Variants in ITGA9 observed in about 807,000 individuals in gnomAD.
ITGA9 encodes the protein integrin subunit alpha 9.
Under a neutral mutation model 127.8 loss-of-function variants are expected in ITGA9, and 56 were observed. The observed-to-expected ratio is 0.44, with a 90% CI of 0.35 to 0.55. ITGA9 has a LOEUF of 0.55. ITGA9 is among the 20% of genes least tolerant of loss of function. The pLI is 0.00. For missense variants in ITGA9, 1,196 were observed against 1,347.1 expected (o/e 0.89, Z 1.76); for synonymous variants, 508 against 514.5 (o/e 0.99, Z 0.17).
chr3:37,594,416 G>A (rs908549759), intron 15 of ITGA9, among the ~76,000 whole-genome samples: 3 of 152,180 alleles, frequency 2.0e-5, no homozygotes, highest in African/African-American at 7.2e-5. Context: ...AAAGCATAAG[G>A]AGAGGACTCA....
At chr3:37,717,297 T>C (rs1270975792) in intron 18 of ITGA9, among the ~76,000 whole-genome samples, 7 of 152,238 alleles carry the variant, frequency 4.6e-5, no homozygotes. Context: ...TTAAGCCTGA[T>C]GAAGTTCTGA....
intron 5 of ITGA9, among the ~76,000 whole-genome samples, chr3:37,501,106 A>C (rs1270368489): frequency 6.6e-6 from 1 of 152,186 alleles, no homozygotes; most frequent in East Asian, 1.9e-4. Flanking sequence ...GTAGGTGCCC[A>C]ATAAACATTG....
chr3:37,693,554 G>A (rs561985312), intron 18 of ITGA9, among the ~76,000 whole-genome samples: 1 of 152,266 alleles, frequency 6.6e-6, no homozygotes, highest in Admixed American at 6.5e-5. Context: ...AAGGCAAACC[G>A]CTCAAGATGG....
chr3:37,664,651 C>T (rs1216929415), intron 17 of ITGA9, among the ~76,000 whole-genome samples: 1 of 151,970 alleles, frequency 6.6e-6, no homozygotes, highest in East Asian at 1.9e-4. Flanking sequence ...AGCTTCCCAT[C>T]TTGGCCTCCC....
chr3:37,467,598 T>C (rs963600573), intron 1 of ITGA9, among the ~76,000 whole-genome samples: 4 of 152,198 alleles, frequency 2.6e-5, no homozygotes, highest in African/African-American at 7.2e-5. Context: ...GAACCTGTTG[T>C]TTCTTGCAGC....
intron 26 of ITGA9, among the ~76,000 whole-genome samples, chr3:37,801,495 G>A (rs1697234650): frequency 6.6e-6 from 1 of 152,018 alleles, no homozygotes; most frequent in Non-Finnish European, 1.5e-5. Flanking sequence ...AAAAGAGCTG[G>A]GAGTGGTGGC....
chr3:37,596,234 T>G (rs939518472), intron 15 of ITGA9, among the ~76,000 whole-genome samples: 2 of 152,170 alleles, frequency 1.3e-5, no homozygotes, highest in African/African-American at 2.4e-5. Context: ...AAATCCTGAG[T>G]CAAGATGCTT....
intron 24 of ITGA9, among the ~76,000 whole-genome samples, chr3:37,778,174 C>T (rs1311686417): frequency 1.3e-5 from 2 of 152,138 alleles, no homozygotes; most frequent in African/African-American, 4.8e-5. Flanking sequence ...TCAGAAATAG[C>T]AAAAACTAAT....
chr3:37,614,989 C>CCA (rs2125627912), intron 15 of ITGA9, among the ~76,000 whole-genome samples: 1 of 152,324 alleles, frequency 6.6e-6, no homozygotes, highest in Non-Finnish European at 1.5e-5. Context: ...CTGGCCAGAA[C>CCA]TTCCAACACT....
At chr3:37,643,183 A>G (rs1398765382) in intron 16 of ITGA9, among the ~76,000 whole-genome samples, 1 of 152,144 alleles carries the variant, frequency 6.6e-6, no homozygotes, top group Non-Finnish European at 1.5e-5. Context: ...TGTTAGAGGA[A>G]AAGGCTCCTG....
At chr3:37,577,404 G>C (rs1471516861) in intron 15 of ITGA9, among the ~76,000 whole-genome samples, 2 of 152,078 alleles carry the variant, frequency 1.3e-5, no homozygotes, top group African/African-American at 4.8e-5. Context: ...GAGTGGTGTT[G>C]GCACCTTCAT....
chr3:37,764,576 G>A (rs895304348), intron 23 of ITGA9, among the ~76,000 whole-genome samples: 3 of 149,744 alleles, frequency 2.0e-5, no homozygotes, highest in Non-Finnish European at 4.4e-5. Flanking sequence ...TTCTCCAATA[G>A]CCCCTCATCC....
rs754043579 is a variant in ITGA9 at position 37,523,550 on chromosome 3, G to C, written c.1266G>C (p.Val422=). 1.5e-5 allele frequency: 25 copies of C among 1,613,896 alleles called. No homozygotes were observed. Among genetic ancestry groups the C allele is most frequent in the Non-Finnish European group, 2.0e-5 (24 of 1,179,956 alleles). The change falls in exon 12 of 28, where the codon GTG becomes GTC. Residue 422 remains valine, a synonymous_variant. Transcript: ENST00000264741. The stretch of plus-strand genomic sequence containing the variant: ...TGTCTGGGCAGAAGATAAATCCAGT[G>C]CTCCGGATGTTTGGTCAGTCCATAT... ...MKLSGQKINP[V]LRMFGQSISG... is the part of the protein sequence containing the mutation.
chr3:37,490,977 T>TCCC (rs1559519243), intron 4 of ITGA9, among the ~76,000 whole-genome samples: 7 of 62,442 alleles, frequency 1.1e-4, no homozygotes, highest in African/African-American at 2.5e-4. Context: ...CCCCCCCGCT[T>TCCC]TTTTTTTTTT....
intron 15 of ITGA9, among the ~76,000 whole-genome samples, chr3:37,587,615 C>T (rs1373266117): frequency 1.3e-5 from 2 of 152,148 alleles, no homozygotes; most frequent in Admixed American, 6.5e-5. Context: ...CAACATTCAC[C>T]AGTTCCTACA....
intron 18 of ITGA9, among the ~76,000 whole-genome samples, chr3:37,718,595 G>T (rs148476289): frequency 6.6e-5 from 10 of 152,274 alleles, no homozygotes; most frequent in African/African-American, 2.4e-4. Context: ...GATGATTCAA[G>T]ATCCAGGTTT....
intron 18 of ITGA9, among the ~76,000 whole-genome samples, chr3:37,697,322 A>G (rs1001404783): frequency 2.1e-5 from 3 of 142,488 alleles, no homozygotes; most frequent in Admixed American, 1.4e-4. Flanking sequence ...TATTATTATT[A>G]TTATTATTAT....
chr3:37,491,902 TAGTGCCCTTAACTCACAGAA>T lies in ITGA9; in HGVS notation c.545-2597_545-2578del, dbSNP rs1334504806. The stretch of plus-strand genomic sequence containing the variant: ...TGAAGGAATCAGGTTAAAATAATAG[TAGTGCCCTTAACTCACAGAA>T]ATAGCATTCAAAGGAGTGAAAACAA... On this transcript the variant is annotated intron_variant, in intron 4 of 27. Coordinates refer to ENST00000264741, the MANE Select transcript of ITGA9 (RefSeq NM_002207.3). Among the ~76,000 whole-genome samples the T allele has an allele frequency of 3.9e-5, 6 of 152,256 alleles. No homozygotes were observed. In the South Asian group the frequency reaches 1.2e-3, roughly 32 times the overall value.
chr3:37,741,868 G>T (rs773291352), intron 21 of ITGA9, 49 bp downstream of exon 21: 72 of 1,407,532 alleles, frequency 5.1e-5, no homozygotes, highest in Non-Finnish European at 6.9e-5. Flanking sequence ...GCCCTCCAGT[G>T]GAACACTGTG....
Sources: allele counts gnomAD v4.1 joint callset (sites outside exome capture counted in the v4.1 genomes callset), GRCh38; gene constraint gnomAD v4.1.1; transcripts MANE v1.5; gene names NCBI Gene and HGNC (gene_info 2026-07-23, HGNC 2026-07-21).